The following TTC7B variants were observed in gnomAD, a reference collection of about 807,000 sequenced individuals.
The protein encoded by TTC7B is tetratricopeptide repeat domain 7B.
Under a neutral mutation model 106.8 loss-of-function variants are expected in TTC7B, and 28 were observed. The ratio of observed to expected loss-of-function variants is 0.26; its 90% CI spans 0.19 to 0.36. The LOEUF (loss-of-function observed/expected upper bound fraction) is 0.36, where lower values mean the gene tolerates loss of function less well. TTC7B is among the 10% of genes least tolerant of loss of function. TTC7B has a pLI of 1.00. For synonymous variants in TTC7B, 405 were observed against 430.6 expected, an observed-to-expected ratio of 0.94 and a Z score of 0.74; for missense variants, 862 against 1,076.4, an observed-to-expected ratio of 0.80 and a Z score of 2.79.
intron 5 of TTC7B, among the ~76,000 whole-genome samples, chr14:90,710,439 G>A (rs1888401210): frequency 6.6e-6 from 1 of 152,210 alleles, no homozygotes; most frequent in Non-Finnish European, 1.5e-5. Flanking sequence ...ATTCAGAATA[G>A]TATATCAACT....
chr14:90,605,558 A>AT (rs1462865115), intron 17 of TTC7B: 8 of 1,228,348 alleles, frequency 6.5e-6, no homozygotes, highest in Non-Finnish European at 8.3e-6. Flanking sequence ...AAACACGCAA[A>AT]TGAAGTAGGT....
intron 7 of TTC7B, among the ~76,000 whole-genome samples, chr14:90,688,621 CAAAAAAAAAAAAAAAAAAA>C (rs57020065): frequency 0.033 from 1,817 of 54,468 alleles, 39 homozygotes; most frequent in South Asian, 0.065. Context: ...GGCTCTGTCT[CAAAAAAAAAAAAAAAAAAA>C]AAAAAAAAAA....
chr14:90,741,031 A>T (rs991849708), intron 4 of TTC7B, among the ~76,000 whole-genome samples: 2 of 152,152 alleles, frequency 1.3e-5, no homozygotes, highest in African/African-American at 4.8e-5. Flanking sequence ...TTTACAGACG[A>T]GGATCCTGAG....
At chr14:90,706,047 T>G (rs1400314279) in intron 5 of TTC7B, among the ~76,000 whole-genome samples, 4 of 152,246 alleles carry the variant, frequency 2.6e-5, no homozygotes, top group Admixed American at 6.5e-5. Flanking sequence ...GTTGTGCTCT[T>G]GTTCTGACAT....
At chr14:90,760,855 A>G (rs1208013961) in intron 3 of TTC7B, among the ~76,000 whole-genome samples, 1 of 152,216 alleles carries the variant, frequency 6.6e-6, no homozygotes, top group African/African-American at 2.4e-5. Context: ...GGAAACCTAT[A>G]TGCTGAGCAC....
chr14:90,718,480 T>G (rs1049329018), intron 5 of TTC7B, among the ~76,000 whole-genome samples: 3 of 152,184 alleles, frequency 2.0e-5, no homozygotes, highest in African/African-American at 7.2e-5. Context: ...TCAAGGAAAT[T>G]GTTTGATGCC....
At chr14:90,763,289 G>T (rs141713816) in intron 3 of TTC7B, among the ~76,000 whole-genome samples, 1 of 151,972 alleles carries the variant, frequency 6.6e-6, no homozygotes, top group Non-Finnish European at 1.5e-5. Context: ...AAAATTACAC[G>T]AACAATGCAA....
At chr14:90,686,398 C>T (rs1000071397) in intron 7 of TTC7B, among the ~76,000 whole-genome samples, 4 of 152,162 alleles carry the variant, frequency 2.6e-5, no homozygotes, top group Admixed American at 6.5e-5. Flanking sequence ...TAATTTCCCC[C>T]GCCTGAGATC....
chr14:90,687,782 A>G (rs1358114274), intron 7 of TTC7B, among the ~76,000 whole-genome samples: 1 of 152,242 alleles, frequency 6.6e-6, no homozygotes, highest in Admixed American at 6.5e-5. Flanking sequence ...ACAAGGCTGT[A>G]GAAAAGGGGG....
rs558211596 is a variant in TTC7B, at chr14:90,743,444, A to G, written c.576+1348T>C. Among the ~76,000 whole-genome samples, 3 of 152,316 alleles carry G rather than the reference A, an allele frequency of 2.0e-5. No homozygotes were observed. The East Asian group carries it at 5.8e-4, about 29-fold the overall frequency. ...GACTTTGGCAGTCTCTCTCTATTCT[A>G]ATCTTTACAAAAACAAGGAGCCCAG... is the stretch of plus-strand genomic sequence containing the variant. On this transcript the variant is annotated intron_variant, in intron 4 of 19. Transcript: ENST00000328459.
At chr14:90,777,590 G>A (rs1053389343) in intron 3 of TTC7B, among the ~76,000 whole-genome samples, 3 of 152,192 alleles carry the variant, frequency 2.0e-5, no homozygotes, top group Non-Finnish European at 2.9e-5. Flanking sequence ...AAAGTGTGCA[G>A]GTCAATTGCA....
chr14:90,711,935 A>T (rs1749711), intron 5 of TTC7B, among the ~76,000 whole-genome samples: 75,774 of 151,996 alleles, frequency 0.5, 19,765 homozygotes, highest in African/African-American at 0.62. Flanking sequence ...TATGTATACA[A>T]TCCATTCAAA....
intron 1 of TTC7B, among the ~76,000 whole-genome samples, chr14:90,800,479 T>C (rs1302902795): frequency 6.6e-6 from 1 of 152,088 alleles, no homozygotes; most frequent in African/African-American, 2.4e-5. Context: ...CTGGATTATT[T>C]GGGTGGGCCC....
chr14:90,713,486 TCA>T (rs924209100), intron 5 of TTC7B, among the ~76,000 whole-genome samples: 4 of 152,130 alleles, frequency 2.6e-5, no homozygotes, highest in Admixed American at 2.6e-4. Context: ...TTAATTAAAA[TCA>T]CAATGGGATA....
At chr14:90,649,227 T>C (rs537269023) in intron 13 of TTC7B, among the ~76,000 whole-genome samples, 1 of 152,352 alleles carries the variant, frequency 6.6e-6, no homozygotes, top group Admixed American at 6.5e-5. Flanking sequence ...CTGAAACATA[T>C]ACATTTTAAA....
chr14:90,583,764 C>T (rs1891602054), intron 18 of TTC7B, among the ~76,000 whole-genome samples: 1 of 152,160 alleles, frequency 6.6e-6, no homozygotes, highest in African/African-American at 2.4e-5. Context: ...TCCATAAGCT[C>T]TGAATGTTCT....
intron 1 of TTC7B, among the ~76,000 whole-genome samples, chr14:90,803,525 A>G (rs2140058848): frequency 6.6e-6 from 1 of 152,288 alleles, no homozygotes; most frequent in East Asian, 1.9e-4. Context: ...CCCGACTCCC[A>G]TAACTCTCCT....
intron 17 of TTC7B, among the ~76,000 whole-genome samples, chr14:90,594,093 T>C (rs1245032727): frequency 6.6e-6 from 1 of 152,124 alleles, no homozygotes; most frequent in East Asian, 1.9e-4. Flanking sequence ...AACTTCCCGT[T>C]TCATTAGTGC....
chr14:90,582,497 C>T (rs1005210804), intron 18 of TTC7B, among the ~76,000 whole-genome samples: 1 of 152,232 alleles, frequency 6.6e-6, no homozygotes, highest in Non-Finnish European at 1.5e-5. Flanking sequence ...CATTTTCCTG[C>T]CACATCCATC....
Sources: allele counts gnomAD v4.1 joint callset (sites outside exome capture counted in the v4.1 genomes callset), GRCh38; gene constraint gnomAD v4.1.1; transcripts MANE v1.5; gene names NCBI Gene and HGNC (gene_info 2026-07-23, HGNC 2026-07-21).